TNRC6B: variants seen among roughly 807,000 people sequenced by gnomAD.
TNRC6B encodes the protein trinucleotide repeat containing adaptor 6B, also known as trinucleotide repeat-containing gene 6B protein.
A neutral mutation model predicts 203.6 loss-of-function variants in TNRC6B; 52 were observed. That is an observed-to-expected ratio of 0.26 (90% CI 0.20 to 0.32). The LOEUF is 0.32. Ranked by LOEUF, TNRC6B falls within the 10% of genes least tolerant of loss-of-function variation. The pLI is 1.00. For missense variants in TNRC6B, 1,923 were observed against 2,286.2 expected (o/e 0.84, Z 3.24); for synonymous variants, 838 against 845.7 (o/e 0.99, Z 0.16).
intron 1 of TNRC6B, among the ~76,000 whole-genome samples, chr22:40,200,280 T>TG: frequency 9.2e-6 from 1 of 108,152 alleles, no homozygotes; most frequent in Admixed American, 9.0e-5. Flanking sequence ...GTAATATTCT[T>TG]TTTTTTTTTT....
At chr22:40,163,682 A>G (rs1252122593) in intron 4 of TNRC6B, among the ~76,000 whole-genome samples, 1 of 151,218 alleles carries the variant, frequency 6.6e-6, no homozygotes, top group East Asian at 2.0e-4. Flanking sequence ...AATCACTTGA[A>G]CCCGGGAGGT....
At chr22:40,073,328 T>C (rs2067971667) in intron 1 of TNRC6B, among the ~76,000 whole-genome samples, 1 of 152,136 alleles carries the variant, frequency 6.6e-6, no homozygotes, top group Admixed American at 6.5e-5. Flanking sequence ...TTGTCTTCCT[T>C]TAGGGACAGC....
At chr22:40,133,509 G>A (rs1013770643) in intron 3 of TNRC6B, among the ~76,000 whole-genome samples, 9 of 152,134 alleles carry the variant, frequency 5.9e-5, no homozygotes, top group African/African-American at 2.2e-4. Flanking sequence ...TTAAATATGT[G>A]CCTAGGGCAA....
intron 1 of TNRC6B, among the ~76,000 whole-genome samples, chr22:40,080,889 C>T (rs1474077005): frequency 2.7e-5 from 4 of 150,808 alleles, no homozygotes; most frequent in African/African-American, 9.8e-5. Context: ...CAGAGTCTCG[C>T]CGTGACACCC....
At chr22:40,310,792 G>T in intron 16 of TNRC6B, 25 bp from the exon 17 acceptor site, 2 of 1,595,772 alleles carry the variant, frequency 1.3e-6, no homozygotes, top group Non-Finnish European at 1.7e-6. Context: ...TATTCTGGAT[G>T]ATTTAATTTC....
intron 1 of TNRC6B, among the ~76,000 whole-genome samples, chr22:40,049,780 T>C (rs1470175544): frequency 1.3e-5 from 2 of 152,022 alleles, no homozygotes; most frequent in Non-Finnish European, 2.9e-5. Context: ...ATTTTTGTAT[T>C]ATTAGTAGAG....
chr22:40,315,243 C>A, intron 19 of TNRC6B, 40 bp from the exon 20 acceptor site: 1 of 1,539,562 alleles, frequency 6.5e-7, no homozygotes, highest in East Asian at 2.3e-5. Context: ...AAAAGTGAAC[C>A]GTCTAACCTT....
chr22:40,313,197 A>G (rs1485840788), intron 19 of TNRC6B, among the ~76,000 whole-genome samples, 200 bp downstream of exon 19: 2 of 152,190 alleles, frequency 1.3e-5, no homozygotes, highest in Admixed American at 6.5e-5. Context: ...AGCCAGATAC[A>G]GCTTTGGGAT....
At chr22:40,300,704 ACTT>A in intron 13 of TNRC6B, 118 bp downstream of exon 13, 1 of 1,368,388 alleles carries the variant, frequency 7.3e-7, no homozygotes, top group South Asian at 1.5e-5. Context: ...GCTAGTCCAC[ACTT>A]CTTTGCAAAC....
chr22:40,170,829 A>G (rs543680337), intron 4 of TNRC6B, among the ~76,000 whole-genome samples: 3 of 91,564 alleles, frequency 3.3e-5, no homozygotes, highest in South Asian at 3.6e-4. Flanking sequence ...GTGTGTGTAT[A>G]TACATATATG....
intron 3 of TNRC6B, among the ~76,000 whole-genome samples, chr22:40,135,003 A>G (rs1404104597): frequency 4.6e-5 from 7 of 152,232 alleles, no homozygotes; most frequent in Non-Finnish European, 1.0e-4. Flanking sequence ...CCAATTGGCC[A>G]GAAATGCCTG....
chr22:40,319,750 G>A (rs2071310925), intron 21 of TNRC6B, among the ~76,000 whole-genome samples: 1 of 152,126 alleles, frequency 6.6e-6, no homozygotes, highest in South Asian at 2.1e-4. Context: ...CTCTTACTGT[G>A]CCTAATTTGT....
At chr22:40,274,097 A>C (rs2070604328) in intron 7 of TNRC6B, among the ~76,000 whole-genome samples, 1 of 152,118 alleles carries the variant, frequency 6.6e-6, no homozygotes, top group South Asian at 2.1e-4. Context: ...GAACTATAAA[A>C]CTGTTGCTGT....
At chr22:40,097,047 C>A (rs73424227) in intron 1 of TNRC6B, among the ~76,000 whole-genome samples, 1 of 152,084 alleles carries the variant, frequency 6.6e-6, no homozygotes, top group Non-Finnish European at 1.5e-5. Flanking sequence ...CCTGCCCCAT[C>A]AGGGGAGTTC....
intron 1 of TNRC6B, among the ~76,000 whole-genome samples, chr22:40,077,157 T>G (rs1271216774): frequency 6.6e-6 from 1 of 152,008 alleles, no homozygotes; most frequent in African/African-American, 2.4e-5. Context: ...GTATCGTGCC[T>G]TGGAAACCCA....
Position 40,224,132 on chromosome 22 carries a change from G to C in TNRC6B, c.6-21883G>C, listed in dbSNP as rs572134821. Among the ~76,000 whole-genome samples, 7 of 152,094 alleles carry C rather than the reference G, an allele frequency of 4.6e-5. No homozygotes were observed. In the South Asian group the frequency reaches 1.2e-3, roughly 27 times the overall value. On this transcript the variant is annotated intron_variant, in intron 1 of 22. Transcript: ENST00000454349. ...AGTGATTCTCGTGCCTCAGCCTCTC[G>C]TAGCTGGGACTACAGGCATGAGCCA...
At chr22:40,306,623 A>G (rs763115930) in intron 15 of TNRC6B, among the ~76,000 whole-genome samples, 16 of 152,206 alleles carry the variant, frequency 1.1e-4, no homozygotes, top group African/African-American at 2.2e-4. Flanking sequence ...CTGCCCTGCA[A>G]TCTAATTTCA....
chr22:40,076,501 A>T (rs1242839691), intron 1 of TNRC6B, among the ~76,000 whole-genome samples: 1 of 152,202 alleles, frequency 6.6e-6, no homozygotes, highest in African/African-American at 2.4e-5. Flanking sequence ...AATTTTAGAT[A>T]GACAGTTTCT....
At chr22:40,217,479 C>G (rs1288387468) in intron 1 of TNRC6B, among the ~76,000 whole-genome samples, 2 of 152,148 alleles carry the variant, frequency 1.3e-5, no homozygotes, top group African/African-American at 4.8e-5. Context: ...GGACCATAAA[C>G]CTACTACTAC....
Sources: gnomAD v4.1 joint callset for allele counts (sites outside exome capture counted in the v4.1 genomes callset) on GRCh38, gnomAD v4.1.1 for gene constraint, MANE v1.5 for transcripts, NCBI Gene and HGNC (gene_info 2026-07-23, HGNC 2026-07-21) for gene names.